Variants in HK1 observed in about 807,000 individuals in gnomAD.
HK1 encodes hexokinase 1, also known as hexokinase-1.
Under a neutral mutation model 91.6 loss-of-function variants are expected in HK1, and 28 were observed. The observed-to-expected ratio is 0.31, with a 90% CI of 0.23 to 0.42. The LOEUF is 0.42. Ranked by LOEUF, HK1 falls within the 10% of genes least tolerant of loss-of-function variation. The pLI, the probability that HK1 is intolerant of heterozygous loss-of-function variation, is 1.00. For missense variants in HK1, 770 were observed against 1,219.8 expected, an observed-to-expected ratio of 0.63 and a Z score of 5.49; for synonymous variants, 430 against 468.1, an observed-to-expected ratio of 0.92 and a Z score of 1.05.
intron 7 of HK1, among the ~76,000 whole-genome samples, chr10:69,375,326 T>C (rs796937908): frequency 2.0e-5 from 3 of 152,350 alleles, no homozygotes; most frequent in African/African-American, 7.2e-5. Context: ...AGTATCTCAT[T>C]GCACAGGTAG....
intron 2 of HK1, among the ~76,000 whole-genome samples, chr10:69,346,846 T>A (rs1848585982): frequency 6.6e-6 from 1 of 152,162 alleles, no homozygotes; most frequent in Non-Finnish European, 1.5e-5. Flanking sequence ...TAGAATTCCC[T>A]CTTCAAAGCT....
At chr10:69,307,371 C>T (rs1375031358) in intron 5 of HK1, among the ~76,000 whole-genome samples, 1 of 152,140 alleles carries the variant, frequency 6.6e-6, no homozygotes, top group Non-Finnish European at 1.5e-5. Context: ...GAGAATTCCC[C>T]TTATAAAGGA....
intron 7 of HK1, among the ~76,000 whole-genome samples, chr10:69,375,015 A>G (rs1046502846): frequency 2.0e-5 from 3 of 151,896 alleles, no homozygotes; most frequent in African/African-American, 7.3e-5. Context: ...GGTTAGGAGT[A>G]CAACTTCTGG....
At chr10:69,358,713 A>T (rs1011950752) in intron 2 of HK1, among the ~76,000 whole-genome samples, 10 of 152,192 alleles carry the variant, frequency 6.6e-5, no homozygotes, top group Non-Finnish European at 1.0e-4. Context: ...AATAAAAAAA[A>T]TTAGCCAGGC....
intron 17 of HK1, among the ~76,000 whole-genome samples, chr10:69,399,725 A>G (rs962427556): frequency 2.0e-5 from 3 of 152,090 alleles, no homozygotes; most frequent in Non-Finnish European, 4.4e-5. Flanking sequence ...CGCATGTCTC[A>G]CCTTATGAAT....
At chr10:69,359,265 T>C (rs531472458) in intron 2 of HK1, among the ~76,000 whole-genome samples, 1 of 152,300 alleles carries the variant, frequency 6.6e-6, no homozygotes, top group African/African-American at 2.4e-5. Context: ...TTAATGGTTA[T>C]AGAGTTTGTG....
intron 2 of HK1, among the ~76,000 whole-genome samples, chr10:69,348,306 C>T (rs1848673571): frequency 6.6e-6 from 1 of 151,948 alleles, no homozygotes; most frequent in African/African-American, 2.4e-5. Flanking sequence ...CCTAAATATT[C>T]ATACTACTGT....
chr10:69,342,993 G>A (rs1190936175), intron 1 of HK1, among the ~76,000 whole-genome samples: 2 of 152,222 alleles, frequency 1.3e-5, no homozygotes, highest in Non-Finnish European at 2.9e-5. Flanking sequence ...CTCAGGAAGA[G>A]GAGCAGGTTG....
rs925132310 is a variant in HK1 at position 69,362,251 on chromosome 10, AT to A, written c.375+2215del. On this transcript the variant is annotated intron_variant, in intron 3 of 17. Coordinates refer to ENST00000359426, the MANE Select transcript of HK1 (RefSeq NM_000188.3). ...ATTTTTATTTTAAATTATTAAAAAAATTTTTTTTTAAAGATGGGATCTTGCC... is the reference window on the plus strand; with the variant it reads ...ATTTTTATTTTAAATTATTAAAAAAATTTTTTTTAAAGATGGGATCTTGCC... Among the ~76,000 whole-genome samples the A allele has an allele frequency of 1.3e-4, 20 of 151,500 alleles. 1 individual carries two copies. Among genetic ancestry groups the A allele is most frequent in the Admixed American group, 9.9e-4 (15 of 15,200 alleles).
chr10:69,292,369 A>T (rs1183873646), intron 3 of HK1: 3 of 445,638 alleles, frequency 6.7e-6, no homozygotes, highest in African/African-American at 6.1e-5. Flanking sequence ...CACTGCACCC[A>T]GCTTAGGACC....
At chr10:69,316,316 G>T (rs548755571), upstream of HK1, among the ~76,000 whole-genome samples, 39 of 152,336 alleles carry the variant, frequency 2.6e-4, 1 homozygote, top group Admixed American at 1.4e-3. Flanking sequence ...GAAGGGTCAT[G>T]ACATGATTAT....
intron 2 of HK1, among the ~76,000 whole-genome samples, 176 bp from the exon 3 acceptor site, chr10:69,359,721 A>T (rs74599046): frequency 6.6e-6 from 1 of 152,052 alleles, no homozygotes; most frequent in Non-Finnish European, 1.5e-5. Flanking sequence ...TCTTTTGCCT[A>T]CTCTGCGTAT....
chr10:69,350,386 G>A (rs2132713048), intron 2 of HK1, among the ~76,000 whole-genome samples: 1 of 152,306 alleles, frequency 6.6e-6, no homozygotes, highest in East Asian at 1.9e-4. Flanking sequence ...ATTCCTCAGT[G>A]TCTTTTGCCC....
chr10:69,307,673 C>A (rs1251298499), intron 5 of HK1, among the ~76,000 whole-genome samples: 1 of 152,036 alleles, frequency 6.6e-6, no homozygotes, highest in African/African-American at 2.4e-5. Flanking sequence ...TTACGAGTAT[C>A]CACCTCATTG....
intron 1 of HK1, among the ~76,000 whole-genome samples, chr10:69,276,144 T>C (rs7068435): frequency 0.31 from 26,504 of 84,910 alleles, 6,363 homozygotes; most frequent in Middle Eastern, 0.51. Flanking sequence ...TATATACACA[T>C]ATATATATTC....
intron 3 of HK1, among the ~76,000 whole-genome samples, chr10:69,294,071 C>G (rs950453907): frequency 2.6e-5 from 4 of 151,930 alleles, no homozygotes; most frequent in Non-Finnish European, 5.9e-5. Flanking sequence ...CCGTGTTAGC[C>G]AGGATGGTCT....
intron 5 of HK1, among the ~76,000 whole-genome samples, chr10:69,304,080 T>C (rs1039675402): frequency 2.6e-5 from 4 of 152,092 alleles, no homozygotes; most frequent in Non-Finnish European, 5.9e-5. Context: ...ATCTTAGGCT[T>C]TACAATAGTG....
upstream of HK1, among the ~76,000 whole-genome samples, chr10:69,311,556 G>C (rs987287305): frequency 5.3e-5 from 8 of 152,186 alleles, no homozygotes; most frequent in Non-Finnish European, 1.2e-4. Flanking sequence ...TTCCTTTGGA[G>C]AGCTGGCTGA....
chr10:69,351,273 C>A (rs1197493448), intron 2 of HK1, among the ~76,000 whole-genome samples: 5 of 151,990 alleles, frequency 3.3e-5, no homozygotes, highest in Non-Finnish European at 7.4e-5. Flanking sequence ...TTTGGGAGGC[C>A]AGGGCAGTCG....
Sources: gnomAD v4.1 joint callset for allele counts (sites outside exome capture counted in the v4.1 genomes callset) on GRCh38, gnomAD v4.1.1 for gene constraint, MANE v1.5 for transcripts, NCBI Gene and HGNC (gene_info 2026-07-23, HGNC 2026-07-21) for gene names.